FBN3: variants seen among roughly 807,000 people sequenced by gnomAD.
FBN3 encodes the protein fibrillin 3.
FBN3 carries 234 observed loss-of-function variants against 330.1 expected under a neutral mutation model. The ratio of observed to expected loss-of-function variants is 0.71; its 90% confidence interval spans 0.64 to 0.79. The LOEUF (loss-of-function observed/expected upper bound fraction) is 0.79. FBN3 is among the 30% of genes least tolerant of loss of function. The pLI is 0.00. For synonymous variants in FBN3, 1,458 were observed against 1,517.3 expected (o/e 0.96, Z 0.91); for missense variants, 3,606 against 3,886.9 (o/e 0.93, Z 1.92).
chr19:8,131,478 C>A lies in FBN3; in HGVS notation c.1990+76G>T. 1.3e-6 allele frequency: 2 copies of A among 1,528,998 alleles called. No individual in the cohort carries two copies. Among genetic ancestry groups the A allele is most frequent in the Non-Finnish European group, 8.9e-7 (1 of 1,126,168 alleles). 94.7% of individuals were successfully genotyped at this position (1,528,998 alleles called of 1,614,324 possible). A position where few individuals can be genotyped will look rare whatever the true frequency, so the allele number is the denominator to read the frequency against. ...AGCCCCCACTCCATGGCAGCCATGA[C>A]CCCCCACCAGAAGCGAGAACCGATG... On this transcript the variant is annotated intron_variant, in intron 15 of 63. Coordinates refer to ENST00000600128, the MANE Select transcript of FBN3 (RefSeq NM_032447.5). The surrounding 1 kb of genome is among the most constrained non-coding windows in gnomAD (Gnocchi z 4.5).
At chr19:8,071,967 A>T (rs1255369189) in intron 63 of FBN3, 81 bp downstream of exon 63, 1 of 1,409,774 alleles carries the variant, frequency 7.1e-7, no homozygotes, top group Admixed American at 2.1e-5. Flanking sequence ...GGGGGCTGAC[A>T]TGACTAAGTC....
intron 13 of FBN3, among the ~76,000 whole-genome samples, chr19:8,134,409 C>T (rs1043174802): frequency 2.4e-4 from 37 of 152,116 alleles, no homozygotes; most frequent in Non-Finnish European, 4.0e-4. Flanking sequence ...GAACATTATT[C>T]GGCCATGAAA....
Position 8,131,624 on chromosome 19 carries a change from G to C in FBN3, c.1920C>G (p.Ser640=), listed in dbSNP as rs12974280. Residue 640 remains serine (S), a synonymous_variant, in exon 15 of 64, where the codon TCC becomes TCG. Transcript: ENST00000600128. This position sits in a 1 kb window ranked among gnomAD's most constrained non-coding sequence, Gnocchi z 4.5. ...ARPFPGTVTK[S]ECCCANPDHG... ...GGTCCGGATTGGCACAGCAGCACTC[G>C]GACTTGGTGACAGTGCCAGGGAAGG... 552,552 of 1,613,934 alleles carry C rather than the reference G, an allele frequency of 0.34. 101,145 individuals are homozygous for C. The highest frequency in any genetic ancestry group is 0.38 in the Non-Finnish European group (451,632 of 1,179,890).
chr19:8,135,936 G>GGGGGGGGGGCCCCC, intron 13 of FBN3, 25 bp downstream of exon 13: 1 of 668,766 alleles, frequency 1.5e-6, no homozygotes, highest in Non-Finnish European at 2.4e-6. Flanking sequence ...GGAAGCCCCT[G>GGGGGGGGGGCCCCC]CCCACCCGCC....
chr19:8,116,207 C>A (rs2082701571), intron 29 of FBN3, among the ~76,000 whole-genome samples: 1 of 152,178 alleles, frequency 6.6e-6, no homozygotes, highest in Non-Finnish European at 1.5e-5. Context: ...GTATGCAGTA[C>A]ACATCTGCTC....
chr19:8,087,094 G>T lies in FBN3; in HGVS notation c.6737C>A (p.Ser2246Tyr). The T allele has an allele frequency of 6.2e-7, 1 of 1,609,218 alleles. No individual in the cohort carries two copies. The part of the protein sequence containing the change: ...CPPGMRPLPG[S>Y]GEGCTDDNEC... The stretch of plus-strand genomic sequence containing the variant: ...CCCCATACCTGTGCAGCCCTCCCCA[G>T]AGCCAGGCAGGGGCCGCATGCCTGG... Residue 2246 changes from serine (S) to tyrosine (Y), a missense_variant, in exon 54 of 64, where the codon TCT becomes TAT. Physicochemically the swap from Ser to Tyr is moderately radical, Grantham distance 144. Coordinates refer to ENST00000600128, the MANE Select transcript of FBN3 (RefSeq NM_032447.5).
At chr19:8,102,185 C>G (rs902466723) in intron 40 of FBN3, among the ~76,000 whole-genome samples, 8 of 151,974 alleles carry the variant, frequency 5.3e-5, no homozygotes, top group Admixed American at 3.9e-4. Context: ...TGTGGAACTG[C>G]GAGTCCATTA....
intron 10 of FBN3, among the ~76,000 whole-genome samples, chr19:8,137,201 C>T (rs1028918406): frequency 4.6e-5 from 7 of 151,688 alleles, no homozygotes; most frequent in Admixed American, 4.6e-4. Context: ...CTAGATCCCT[C>T]CAACCTGGGG....
rs2082602631 is a variant in FBN3 at position 8,112,105 on chromosome 19, G to A, written c.3839-6C>T. The A allele has an allele frequency of 1.2e-6, 2 of 1,612,194 alleles. No individual in the cohort carries two copies. The highest frequency in any genetic ancestry group is 1.7e-5 in the Admixed American group (1 of 59,818). On this transcript the variant is annotated splice_region_variant and splice_polypyrimidine_tract_variant and intron_variant, in intron 30 of 63. Transcript: ENST00000600128. ...AACCTCGCATTCATCCACATCTAAAGGGAGAGGAGGCACGACGCCAAGACC... is the reference window on the plus strand; with the variant it reads ...AACCTCGCATTCATCCACATCTAAAAGGAGAGGAGGCACGACGCCAAGACC...
At chr19:8,123,354 CG>C (rs1237309975) in intron 24 of FBN3, 109 bp downstream of exon 24, 34 of 1,179,770 alleles carry the variant, frequency 2.9e-5, no homozygotes, top group Non-Finnish European at 3.7e-5. Flanking sequence ...AACTCCGTCT[CG>C]AAAAAAAAAA....
In FBN3 at chr19:8,131,083, T is replaced by A; in HGVS notation, c.2044+152A>T. 1.5e-6 allele frequency: 1 copy of A among 656,058 alleles called. No individual in the cohort carries two copies. Among genetic ancestry groups the A allele is most frequent in the East Asian group, 2.8e-5 (1 of 35,896 alleles). 40.6% of individuals were successfully genotyped at this position (656,058 alleles called of 1,614,324 possible). On this transcript the variant is annotated intron_variant, in intron 16 of 63. Transcript: ENST00000600128. This position sits in a 1 kb window ranked among gnomAD's most constrained non-coding sequence, Gnocchi z 4.5. ...CTCCGACCTCTGGCCTGCAGGAGTG[T>A]GAGAGAATCAGCTTCTGTTGTTGAA... is the stretch of plus-strand genomic sequence containing the variant.
intron 55 of FBN3, 101 bp from the exon 56 acceptor site, chr19:8,085,670 G>A: frequency 2.3e-6 from 2 of 885,552 alleles, no homozygotes; most frequent in Non-Finnish European, 3.4e-6. Flanking sequence ...GGGGTGTTGG[G>A]GACAGGGGTG....
Position 8,131,372 on chromosome 19 carries a change from G to A in FBN3, c.1991-84C>T. ...GCCACAGGCAAGGATGAGGCCCTCT[G>A]GTCTTGGGCAAGAGTTTGGGACTAA... On this transcript the variant is annotated intron_variant, in intron 15 of 63. Transcript: ENST00000600128. This position sits in a 1 kb window ranked among gnomAD's most constrained non-coding sequence, Gnocchi z 4.5. 6.6e-7 allele frequency: 1 copy of A among 1,521,750 alleles called. No homozygotes were observed. Among genetic ancestry groups the A allele is most frequent in the East Asian group, 2.3e-5 (1 of 44,014 alleles). The allele number at this position is 1,521,750 out of a possible 1,614,324, so 94.3% of individuals were successfully genotyped here. A position where few individuals can be genotyped will look rare whatever the true frequency, so the allele number is the denominator to read the frequency against.
intron 59 of FBN3, among the ~76,000 whole-genome samples, chr19:8,077,913 C>T (rs995639712): frequency 1.3e-4 from 20 of 151,888 alleles, no homozygotes; most frequent in African/African-American, 4.8e-4. Context: ...CCCGTCTCTA[C>T]AAAAAATACA....
At chr19:8,141,246 A>G (rs1439485824) in intron 8 of FBN3, among the ~76,000 whole-genome samples, 6 of 147,416 alleles carry the variant, frequency 4.1e-5, no homozygotes, top group Non-Finnish European at 8.9e-5. Flanking sequence ...GTGCGCCTGT[A>G]CTCCCAGCTA....
intron 6 of FBN3, among the ~76,000 whole-genome samples, chr19:8,144,444 A>G (rs1308854275): frequency 6.6e-6 from 1 of 151,292 alleles, no homozygotes; most frequent in East Asian, 1.9e-4. Flanking sequence ...TGCCCATCTC[A>G]TGAAGTCCAG....
At position 8,111,773 on chromosome 19, in the gene FBN3, G is replaced by A. The variant is rs1204806891; in HGVS notation, c.3962-3C>T. The A allele has an allele frequency of 7.4e-6, 12 of 1,611,926 alleles. No individual in the cohort carries two copies. Among genetic ancestry groups the A allele is most frequent in the Admixed American group, 1.7e-5 (1 of 59,898 alleles). On this transcript the variant is annotated splice_region_variant and splice_polypyrimidine_tract_variant and intron_variant, in intron 31 of 63. Coordinates refer to ENST00000600128, the MANE Select transcript of FBN3 (RefSeq NM_032447.5). ...CTGGGAGACGCATTCATCCAGGTCT[G>A]CAGGAGATGGAGCCCAGACCCCCCA...
chr19:8,082,915 A>G (rs886381431), intron 57 of FBN3, among the ~76,000 whole-genome samples: 4 of 151,010 alleles, frequency 2.6e-5, no homozygotes, highest in African/African-American at 9.8e-5. Context: ...CAGACTCCTG[A>G]GCTCAAGCAG....
At chr19:8,143,326 G>A (rs2083455750) in intron 6 of FBN3, among the ~76,000 whole-genome samples, 1 of 151,900 alleles carries the variant, frequency 6.6e-6, no homozygotes, top group Non-Finnish European at 1.5e-5. Flanking sequence ...GGCCAACACT[G>A]AGCTCAGAGT....
Sources: allele counts gnomAD v4.1 joint callset (sites outside exome capture counted in the v4.1 genomes callset), GRCh38; gene constraint gnomAD v4.1.1; non-coding constraint Gnocchi (gnomAD v3.1); transcripts MANE v1.5; gene names NCBI Gene and HGNC (gene_info 2026-07-23, HGNC 2026-07-21).